The following MAF variants were observed in gnomAD, a reference collection of about 807,000 sequenced individuals.
The protein encoded by MAF is transcription factor Maf.
Under a neutral mutation model 22.0 loss-of-function variants are expected in MAF, and 10 were observed. That is an observed-to-expected ratio of 0.45 (90% CI 0.28 to 0.77). The LOEUF (loss-of-function observed/expected upper bound fraction) is 0.77. Among genes scored for constraint, MAF ranks in the 30% least tolerant of loss-of-function variants. MAF has a pLI of 0.12. For missense variants in MAF, 544 were observed against 548.4 expected, an observed-to-expected ratio of 0.99 and a Z score of 0.08; for synonymous variants, 337 against 255.8, an observed-to-expected ratio of 1.32 and a Z score of -3.03.
At chr16:79,292,290 C>T in the MAF span, among the ~76,000 whole-genome samples, 14 of 152,084 alleles carry the variant, frequency 9.2e-5, no homozygotes, top group Non-Finnish European at 1.6e-4. Flanking sequence ...CACAGACATA[C>T]AGGGAAAAGG....
At chr16:79,352,881 C>T in the MAF span, among the ~76,000 whole-genome samples, 1 of 152,184 alleles carries the variant, frequency 6.6e-6, no homozygotes. Context: ...AAATTACCCT[C>T]ATTTCTGAAC....
chr16:79,388,335 T>C, the MAF span, among the ~76,000 whole-genome samples: 1 of 151,580 alleles, frequency 6.6e-6, no homozygotes, highest in East Asian at 1.9e-4. Flanking sequence ...TAAAACTAAA[T>C]CATATACATG....
chr16:79,248,682 T>C, the MAF span, among the ~76,000 whole-genome samples: 7 of 152,188 alleles, frequency 4.6e-5, no homozygotes, highest in African/African-American at 9.7e-5. Context: ...TGCACTGTTT[T>C]CTGAAGATAG....
chr16:79,234,984 A>G, the MAF span, among the ~76,000 whole-genome samples: 3 of 152,264 alleles, frequency 2.0e-5, no homozygotes, highest in South Asian at 6.2e-4. Context: ...TCCAAGGAAG[A>G]CAGAGACACA....
At chr16:79,391,860 A>AAGGAGG in the MAF span, among the ~76,000 whole-genome samples, 1 of 144,800 alleles carries the variant, frequency 6.9e-6, no homozygotes, top group East Asian at 2.0e-4. Flanking sequence ...GAGAGAGAAG[A>AAGGAGG]AGGAGGAGGA....
the MAF span, among the ~76,000 whole-genome samples, chr16:79,427,013 T>C: frequency 6.6e-6 from 1 of 152,220 alleles, no homozygotes; most frequent in Non-Finnish European, 1.5e-5. Flanking sequence ...TAAATTATCT[T>C]GGTTTCTGCT....
chr16:79,374,042 G>A, the MAF span, among the ~76,000 whole-genome samples: 1 of 151,974 alleles, frequency 6.6e-6, no homozygotes, highest in African/African-American at 2.4e-5. Flanking sequence ...CATTGGTTTG[G>A]CCCAACAATC....
At chr16:79,545,722 G>T in the MAF span, among the ~76,000 whole-genome samples, 143 of 152,186 alleles carry the variant, frequency 9.4e-4, 1 homozygote, top group African/African-American at 3.2e-3. Flanking sequence ...GCAGAGAGTA[G>T]TACGGTGGTT....
the MAF span, among the ~76,000 whole-genome samples, chr16:79,342,021 C>T: frequency 6.6e-6 from 1 of 152,236 alleles, no homozygotes; most frequent in Admixed American, 6.5e-5. Context: ...TTTGATTAAG[C>T]ACCTACACAC....
chr16:79,393,434 T>A, the MAF span, among the ~76,000 whole-genome samples: 2 of 152,196 alleles, frequency 1.3e-5, no homozygotes, highest in African/African-American at 4.8e-5. Flanking sequence ...TCTGCCTCAT[T>A]TGATTGAATT....
the MAF span, among the ~76,000 whole-genome samples, chr16:79,325,350 TA>T: frequency 5.3e-5 from 8 of 152,316 alleles, no homozygotes; most frequent in East Asian, 1.5e-3. Flanking sequence ...GATGCTCTGC[TA>T]AAAACGTTGC....
the MAF span, among the ~76,000 whole-genome samples, chr16:79,253,755 G>A: frequency 6.6e-6 from 1 of 152,114 alleles, no homozygotes; most frequent in African/African-American, 2.4e-5. Context: ...ATCGTCTCTA[G>A]CTCCTTCCCG....
chr16:79,464,578 G>A, the MAF span, among the ~76,000 whole-genome samples: 349 of 152,322 alleles, frequency 2.3e-3, 3 homozygotes, highest in African/African-American at 8.0e-3. Flanking sequence ...ACACCTGTCT[G>A]CAGAGTAGAC....
At chr16:79,206,467 T>G in the MAF span, 1 of 152,200 alleles carries the variant, frequency 6.6e-6, no homozygotes, top group East Asian at 1.9e-4. Context: ...TAAATGGAAA[T>G]ACTAACTGTC....
chr16:79,462,145 A>G, the MAF span, among the ~76,000 whole-genome samples: 1 of 152,188 alleles, frequency 6.6e-6, no homozygotes, highest in African/African-American at 2.4e-5. Context: ...TCAGTTTTGG[A>G]AAAGTGATAC....
At chr16:79,381,263 C>T in the MAF span, among the ~76,000 whole-genome samples, 1 of 152,220 alleles carries the variant, frequency 6.6e-6, no homozygotes, top group South Asian at 2.1e-4. Flanking sequence ...AGGGTTTAGA[C>T]TAATTGTGGT....
At chr16:79,221,269 C>T in the MAF span, among the ~76,000 whole-genome samples, 1 of 152,284 alleles carries the variant, frequency 6.6e-6, no homozygotes, top group Admixed American at 6.5e-5. Flanking sequence ...TGGCTTTGTG[C>T]TCTTCTTATT....
chr16:79,560,645 G>T, the MAF span, among the ~76,000 whole-genome samples: 1 of 151,908 alleles, frequency 6.6e-6, no homozygotes, highest in Non-Finnish European at 1.5e-5. Context: ...GATACTCACT[G>T]TCATGAAAAT....
chr16:79,254,377 A>G, the MAF span, among the ~76,000 whole-genome samples: 1 of 152,266 alleles, frequency 6.6e-6, no homozygotes, highest in East Asian at 1.9e-4. Context: ...ATGACTTCAT[A>G]TTATTCCATC....
Sources: gnomAD v4.1 joint callset for allele counts (sites outside exome capture counted in the v4.1 genomes callset) on GRCh38, gnomAD v4.1.1 for gene constraint, MANE v1.5 for transcripts, NCBI Gene and HGNC (gene_info 2026-07-23, HGNC 2026-07-21) for gene names.